Variants in XKR9 observed in about 807,000 individuals in gnomAD.
XKR9 encodes XK related 9, also known as XK-related protein 9.
In XKR9, 32 loss-of-function variants were observed where a neutral mutation model predicts 32.0. The ratio of observed to expected loss-of-function variants is 1.00; its 90% CI spans 0.76 to 1.34. The LOEUF (loss-of-function observed/expected upper bound fraction) is 1.34. Ranked by LOEUF, XKR9 falls within the 40% of genes most tolerant of loss-of-function variation. The probability of loss-of-function intolerance (pLI) is 0.00; values close to 1 mark genes in which losing one functional copy is unlikely to be tolerated. For synonymous variants in XKR9, 168 were observed against 143.4 expected, an observed-to-expected ratio of 1.17 and a Z score of -1.22; for missense variants, 546 against 429.7, an observed-to-expected ratio of 1.27 and a Z score of -2.39.
downstream of XKR9, among the ~76,000 whole-genome samples, chr8:70,738,373 AG>A (rs1806902192): frequency 6.8e-6 from 1 of 147,712 alleles, no homozygotes; most frequent in Non-Finnish European, 1.5e-5. Flanking sequence ...CTTCTTTATT[AG>A]TCTTGCTAGC....
intron 4 of XKR9, among the ~76,000 whole-genome samples, chr8:70,711,342 C>A (rs1171159099): frequency 6.6e-6 from 1 of 152,152 alleles, no homozygotes; most frequent in Admixed American, 6.5e-5. Context: ...CATTGCAGCA[C>A]TTTTCACAAT....
chr8:70,911,348 C>A, the XKR9 span, among the ~76,000 whole-genome samples: 5 of 152,278 alleles, frequency 3.3e-5, no homozygotes, highest in South Asian at 1.0e-3. Flanking sequence ...TACAAATATA[C>A]CCTCCCAACA....
At chr8:71,005,687 A>G in the XKR9 span, among the ~76,000 whole-genome samples, 15 of 152,352 alleles carry the variant, frequency 9.8e-5, no homozygotes, top group Non-Finnish European at 1.6e-4. Context: ...ACATTAAGGC[A>G]TATTCTGTAG....
At chr8:71,019,005 AT>A in the XKR9 span, among the ~76,000 whole-genome samples, 2 of 152,188 alleles carry the variant, frequency 1.3e-5, no homozygotes, top group African/African-American at 4.8e-5. Context: ...CATATTTCTG[AT>A]TGACAGCTCC....
chr8:70,924,964 A>C, the XKR9 span, among the ~76,000 whole-genome samples: 1 of 151,286 alleles, frequency 6.6e-6, no homozygotes, highest in Non-Finnish European at 1.5e-5. Flanking sequence ...TCAAAATTTA[A>C]TGTTAATTTT....
the XKR9 span, among the ~76,000 whole-genome samples, chr8:70,811,737 C>A: frequency 2.6e-5 from 4 of 152,104 alleles, no homozygotes; most frequent in Non-Finnish European, 4.4e-5. Flanking sequence ...CAAGACTAAA[C>A]CAGGAAGAAG....
At chr8:71,054,926 T>C in the XKR9 span, among the ~76,000 whole-genome samples, 3 of 152,200 alleles carry the variant, frequency 2.0e-5, no homozygotes, top group Non-Finnish European at 2.9e-5. Context: ...TCAATCAGAC[T>C]TTCCTCAGCA....
chr8:70,791,644 T>A (rs1807765564), downstream of XKR9, among the ~76,000 whole-genome samples: 1 of 151,976 alleles, frequency 6.6e-6, no homozygotes, highest in Non-Finnish European at 1.5e-5. Context: ...TTTACCCTGT[T>A]GCCATGGAGT....
chr8:70,844,200 C>G, the XKR9 span, among the ~76,000 whole-genome samples: 2 of 152,202 alleles, frequency 1.3e-5, no homozygotes, highest in African/African-American at 4.8e-5. Context: ...AGCTATGCTG[C>G]CATCTGCAGT....
intron 2 of XKR9, among the ~76,000 whole-genome samples, chr8:70,755,019 C>G (rs1807199008): frequency 6.6e-6 from 1 of 151,916 alleles, no homozygotes. Flanking sequence ...ACTCATCTGA[C>G]AAAGGGCTAA....
the XKR9 span, among the ~76,000 whole-genome samples, chr8:70,809,578 C>T: frequency 1.3e-5 from 2 of 152,096 alleles, no homozygotes; most frequent in Non-Finnish European, 2.9e-5. Flanking sequence ...ACTAGAATAA[C>T]CAATGCAGAG....
In XKR9 at chr8:70,734,151, C is replaced by A; in HGVS notation, c.849C>A (p.Thr283=). 1 of 1,612,206 alleles carries A rather than the reference C, an allele frequency of 6.2e-7. No individual in the cohort carries two copies. Among genetic ancestry groups the A allele is most frequent in the Non-Finnish European group, 8.5e-7 (1 of 1,178,692 alleles). ...TTTTTAATATTAAGGGACAGAATAC[C>A]AAGTGTCCAATGTCTTGTTATTATA... ...FTFFNIKGQN[T]KCPMSCYYIV... is the part of the protein sequence containing the mutation. The change falls in exon 5 of 5, where the codon ACC becomes ACA. Residue 283 remains threonine (T), a synonymous_variant. Coordinates refer to ENST00000408926, the MANE Select transcript of XKR9 (RefSeq NM_001011720.2).
At chr8:70,990,031 T>G in the XKR9 span, among the ~76,000 whole-genome samples, 284 of 152,324 alleles carry the variant, frequency 1.9e-3, 1 homozygote, top group African/African-American at 6.3e-3. Flanking sequence ...GAATTAGGTC[T>G]TCTTGATGTC....
chr8:71,015,303 G>A, the XKR9 span, among the ~76,000 whole-genome samples: 1 of 152,136 alleles, frequency 6.6e-6, no homozygotes, highest in Non-Finnish European at 1.5e-5. Context: ...TGGAGAGTAG[G>A]AGAGGGACAT....
chr8:70,956,781 C>G, the XKR9 span, among the ~76,000 whole-genome samples: 4 of 152,208 alleles, frequency 2.6e-5, no homozygotes, highest in African/African-American at 7.2e-5. Context: ...CATAACTTTG[C>G]TCCACCCCAG....
intron 4 of XKR9, among the ~76,000 whole-genome samples, chr8:70,710,613 G>A (rs1271695763): frequency 2.0e-5 from 3 of 152,172 alleles, no homozygotes; most frequent in Non-Finnish European, 4.4e-5. Flanking sequence ...TGAGGCAGGA[G>A]AATCGCTTGA....
chr8:70,843,773 C>G, the XKR9 span, among the ~76,000 whole-genome samples: 5 of 152,136 alleles, frequency 3.3e-5, no homozygotes, highest in Non-Finnish European at 7.3e-5. Flanking sequence ...TGCCTAGAAA[C>G]TGTGCAATGG....
intron 2 of XKR9, among the ~76,000 whole-genome samples, chr8:70,772,151 G>A (rs1807462022): frequency 2.0e-5 from 3 of 152,062 alleles, no homozygotes; most frequent in African/African-American, 2.4e-5. Context: ...TAATTAAAAT[G>A]CATTTTCTTT....
intron 2 of XKR9, among the ~76,000 whole-genome samples, chr8:70,762,404 G>GC (rs1807321046): frequency 6.6e-6 from 1 of 152,142 alleles, no homozygotes; most frequent in Admixed American, 6.6e-5. Context: ...TGAGCAGAGG[G>GC]CAAGTGAGCA....
Sources: gnomAD v4.1 joint callset for allele counts (sites outside exome capture counted in the v4.1 genomes callset) on GRCh38, gnomAD v4.1.1 for gene constraint, MANE v1.5 for transcripts, NCBI Gene and HGNC (gene_info 2026-07-23, HGNC 2026-07-21) for gene names.